PSG5: variants seen among roughly 807,000 people sequenced by gnomAD.
PSG5 encodes the protein pregnancy-specific beta-1-glycoprotein 5.
A neutral mutation model predicts 37.7 loss-of-function variants in PSG5; 53 were observed. That is an observed-to-expected ratio of 1.41 (90% CI 1.13 to 1.77). PSG5 has a LOEUF of 1.77. PSG5 is among the 40% of genes most tolerant of loss of function. The pLI is 0.00. For synonymous variants in PSG5, 221 were observed against 155.4 expected, an observed-to-expected ratio of 1.42 and a Z score of -3.14; for missense variants, 547 against 405.2, an observed-to-expected ratio of 1.35 and a Z score of -3.00.
chr19:43,176,793 G>C (rs922122860), intron 2 of PSG5, among the ~76,000 whole-genome samples: 2 of 150,678 alleles, frequency 1.3e-5, no homozygotes, highest in African/African-American at 2.5e-5. Flanking sequence ...GACCTCTAAA[G>C]ATAGAGCAGA....
intron 2 of PSG5, among the ~76,000 whole-genome samples, chr19:43,179,419 C>T (rs1219622348): frequency 6.6e-6 from 1 of 151,604 alleles, no homozygotes; most frequent in Non-Finnish European, 1.5e-5. Flanking sequence ...GACACAGGAC[C>T]AGCAGTCACA....
chr19:43,178,056 GA>G (rs1181153339), intron 2 of PSG5, among the ~76,000 whole-genome samples: 2 of 151,596 alleles, frequency 1.3e-5, no homozygotes, highest in Non-Finnish European at 1.5e-5. Flanking sequence ...GAATGATCTA[GA>G]AAGAGTGAAG....
At chr19:43,173,609 G>A (rs1317197150) in intron 4 of PSG5, among the ~76,000 whole-genome samples, 2 of 151,592 alleles carry the variant, frequency 1.3e-5, no homozygotes, top group Admixed American at 1.3e-4. Flanking sequence ...AAGTTCCTCA[G>A]CATCACGAAT....
chr19:43,178,103 C>G (rs1969049820), intron 2 of PSG5, among the ~76,000 whole-genome samples: 1 of 151,518 alleles, frequency 6.6e-6, no homozygotes, highest in African/African-American at 2.4e-5. Flanking sequence ...GGAGCAGAAA[C>G]ATACTCCCTG....
intron 2 of PSG5, among the ~76,000 whole-genome samples, chr19:43,181,735 G>A (rs1969133014): frequency 6.6e-6 from 1 of 151,814 alleles, no homozygotes; most frequent in Non-Finnish European, 1.5e-5. Context: ...TTATAGGCAT[G>A]AGCCACTGTG....
intron 4 of PSG5, chr19:43,170,572 T>C (rs530736501): frequency 2.0e-4 from 71 of 348,316 alleles, no homozygotes; most frequent in South Asian, 2.0e-3. Context: ...ATTCATCACC[T>C]CCTTTGCACA....
chr19:43,169,785 G>C (rs1202338991), intron 5 of PSG5, among the ~76,000 whole-genome samples: 1 of 151,564 alleles, frequency 6.6e-6, no homozygotes, highest in Non-Finnish European at 1.5e-5. Flanking sequence ...AAATAATGAA[G>C]AGGGTTTCAC....
chr19:43,169,640 T>C (rs2355427), intron 5 of PSG5, among the ~76,000 whole-genome samples: 2 of 151,618 alleles, frequency 1.3e-5, no homozygotes, highest in African/African-American at 2.4e-5. Context: ...GTGAATTAAC[T>C]AGATTTTAGA....
intron 2 of PSG5, among the ~76,000 whole-genome samples, chr19:43,183,951 A>T (rs1175678964): frequency 6.6e-6 from 1 of 151,624 alleles, no homozygotes; most frequent in Non-Finnish European, 1.5e-5. Context: ...TAAATGATTC[A>T]GTCACCTGAC....
intron 2 of PSG5, chr19:43,178,944 T>C (rs760929281): frequency 1.4e-5 from 23 of 1,612,770 alleles, no homozygotes; most frequent in Non-Finnish European, 1.8e-5. Flanking sequence ...TTCACATTCA[T>C]AGGGTCCTGC....
rs999810347 is a variant in PSG5 at position 43,184,649 on chromosome 19, A to G, written c.430+133T>C. The G allele has an allele frequency of 1.6e-5, 24 of 1,526,974 alleles. No individual in the cohort carries two copies. In the African/African-American group the frequency reaches 3.3e-4, roughly 21 times the overall value. The allele number at this position is 1,526,974 out of a possible 1,614,324, so 94.6% of individuals were successfully genotyped here. On this transcript the variant is annotated intron_variant, in intron 2 of 5. Coordinates refer to ENST00000342951, the MANE Select transcript of PSG5 (RefSeq NM_002781.4). Reference sequence around the variant, plus strand: ...GTCTCCTCTGTGTGTGTCCTGCACTAAATGCCCAAACCGCAGCATGGGACA... The same window carrying G: ...GTCTCCTCTGTGTGTGTCCTGCACTGAATGCCCAAACCGCAGCATGGGACA...
At chr19:43,170,211 A>T (rs1449998841) in intron 4 of PSG5, 73 bp from the exon 5 acceptor site, 10 of 1,274,674 alleles carry the variant, frequency 7.8e-6, no homozygotes, top group African/African-American at 1.5e-5. Context: ...AGGAAGAGGC[A>T]TGTAGCATGA....
Position 43,175,421 on chromosome 19 carries a change from G to A in PSG5, c.758C>T (p.Ser253Leu), listed in dbSNP as rs1968986852. The change falls in exon 4 of 6, where the codon TCA (serine) becomes TTA (leucine). Residue 253 changes from serine to leucine, a missense_variant. Coordinates refer to ENST00000342951, the MANE Select transcript of PSG5 (RefSeq NM_002781.4). ...GCAGGACAAGTAGAGGTTTTCTCCT[G>A]AACGGTAATAGGTGAATGAAGGGTA... ...SIYPSFTYYR[S>L]GENLYLSCFA... 1 of 1,612,646 alleles carries A rather than the reference G, an allele frequency of 6.2e-7. No individual in the cohort carries two copies. Among genetic ancestry groups the A allele is most frequent in the Admixed American group, 1.7e-5 (1 of 59,908 alleles).
At chr19:43,174,543 C>T (rs530902562) in intron 4 of PSG5, 95 of 867,914 alleles carry the variant, frequency 1.1e-4, no homozygotes, top group Non-Finnish European at 1.2e-4. Context: ...AGAGCCAGGA[C>T]GCAACGCAGG....
In PSG5 at chr19:43,175,398, A is replaced by G. The variant is rs1013675792; in HGVS notation, c.781T>C (p.Cys261Arg). 2.5e-6 allele frequency: 4 copies of G among 1,612,808 alleles called. No individual in the cohort carries two copies. The highest frequency in any genetic ancestry group is 3.3e-5 in the Admixed American group (2 of 59,906). Residue 261 changes from cysteine to arginine, a missense_variant, in exon 4 of 6, where the codon TGC becomes CGC. By Grantham distance (180) the Cys-to-Arg change is radical. Transcript: ENST00000342951. ...YRSGENLYLSCFAESNPPAEY... is the reference protein window; with the variant it reads ...YRSGENLYLSRFAESNPPAEY... The stretch of plus-strand genomic sequence containing the variant: ...GCCGGTGGGTTAGATTCCGCGAAGC[A>G]GGACAAGTAGAGGTTTTCTCCTGAA...
At chr19:43,169,492 G>C (rs1599742447) in intron 5 of PSG5, among the ~76,000 whole-genome samples, 2 of 151,650 alleles carry the variant, frequency 1.3e-5, no homozygotes, top group African/African-American at 4.9e-5. Flanking sequence ...GGGCAGGGAT[G>C]TGTAGGAAGA....
At chr19:43,178,333 C>T (rs1180505749) in intron 2 of PSG5, among the ~76,000 whole-genome samples, 2 of 151,644 alleles carry the variant, frequency 1.3e-5, no homozygotes, top group Non-Finnish European at 2.9e-5. Flanking sequence ...GAATAAAGCA[C>T]ACTTGTGCTG....
chr19:43,183,914 G>A (rs1483982350), intron 2 of PSG5, among the ~76,000 whole-genome samples: 1 of 78,332 alleles, frequency 1.3e-5, no homozygotes, highest in Non-Finnish European at 2.4e-5. Context: ...ATGGACTGTG[G>A]ATTTTCATGC....
At position 43,185,299 on chromosome 19, in the gene PSG5, TTGTGTGTGTGTA is replaced by T. The variant is rs1966909834; in HGVS notation, c.65-164_65-153del. The stretch of plus-strand genomic sequence containing the variant: ...ACACACACAAAAGGTGCATGTTAGT[TTGTGTGTGTGTA>T]TGTGTGTGTGTCCTACTGTCCTACT... On this transcript the variant is annotated intron_variant, in intron 1 of 5. Coordinates refer to ENST00000342951, the MANE Select transcript of PSG5 (RefSeq NM_002781.4). 5 of 1,196,832 alleles carry T rather than the reference TTGTGTGTGTGTA, an allele frequency of 4.2e-6. No homozygotes were observed. In the East Asian group the frequency reaches 7.1e-5, roughly 17 times the overall value. The allele number at this position is 1,196,832 out of a possible 1,614,324, so 74.1% of individuals were successfully genotyped here.
Sources: gnomAD v4.1 joint callset for allele counts (sites outside exome capture counted in the v4.1 genomes callset) on GRCh38, gnomAD v4.1.1 for gene constraint, MANE v1.5 for transcripts, NCBI Gene and HGNC (gene_info 2026-07-23, HGNC 2026-07-21) for gene names.